The following ACVR1C variants were observed in gnomAD, a reference collection of about 807,000 sequenced individuals.
ACVR1C encodes the protein activin A receptor type 1C.
A neutral mutation model predicts 57.9 loss-of-function variants in ACVR1C; 23 were observed. That is an observed-to-expected ratio of 0.40 (90% CI 0.29 to 0.56). ACVR1C has a LOEUF of 0.56. ACVR1C is among the 20% of genes least tolerant of loss of function. The pLI is 0.50. For synonymous variants in ACVR1C, 214 were observed against 215.3 expected, an observed-to-expected ratio of 0.99 and a Z score of 0.05; for missense variants, 480 against 607.9, an observed-to-expected ratio of 0.79 and a Z score of 2.21.
chr2:157,591,059 C>A (rs7601153), intron 1 of ACVR1C, among the ~76,000 whole-genome samples: 1 of 151,692 alleles, frequency 6.6e-6, no homozygotes, highest in African/African-American at 2.4e-5. Flanking sequence ...ACTACCGAAG[C>A]GGGTAAAGTC....
chr2:157,597,885 A>G (rs1316909200), intron 1 of ACVR1C, among the ~76,000 whole-genome samples: 1 of 152,196 alleles, frequency 6.6e-6, no homozygotes, highest in African/African-American at 2.4e-5. Context: ...AGGATTTGCT[A>G]GACCGGTATT....
At chr2:157,613,261 CTT>C (rs1448432280) in intron 1 of ACVR1C, among the ~76,000 whole-genome samples, 1 of 152,174 alleles carries the variant, frequency 6.6e-6, no homozygotes, top group Admixed American at 6.5e-5. Context: ...GTGATTATCT[CTT>C]TGCAATTTTG....
intron 1 of ACVR1C, among the ~76,000 whole-genome samples, chr2:157,601,653 G>A (rs1008740169): frequency 6.6e-6 from 1 of 152,202 alleles, no homozygotes; most frequent in Non-Finnish European, 1.5e-5. Flanking sequence ...GTTTGTAGCT[G>A]CGTCTGAGTT....
chr2:157,566,134 T>C (rs557693612), intron 2 of ACVR1C, among the ~76,000 whole-genome samples: 1 of 152,312 alleles, frequency 6.6e-6, no homozygotes, highest in Admixed American at 6.5e-5. Flanking sequence ...GTAAATAACT[T>C]AGATAGTAAT....
At position 157,585,630 on chromosome 2, in the gene ACVR1C, C is replaced by T. The variant is rs147839847; in HGVS notation, c.304+1557G>A. On this transcript the variant is annotated intron_variant, in intron 2 of 8. Transcript: ENST00000243349. ...TGCCACAGCTAAAGAGGAGACTCTC[C>T]TTTTTACCCCTAAAATCCTTTGTAT... is the stretch of plus-strand genomic sequence containing the variant. 3.9e-5 allele frequency among the ~76,000 whole-genome samples: 6 copies of T among 152,224 alleles called. No individual in the cohort carries two copies. The East Asian group carries it at 1.2e-3, about 29-fold the overall frequency.
At chr2:157,575,090 T>C (rs1688609772) in intron 2 of ACVR1C, among the ~76,000 whole-genome samples, 2 of 151,982 alleles carry the variant, frequency 1.3e-5, no homozygotes, top group South Asian at 4.1e-4. Context: ...GCCTCCCAAG[T>C]AGCTGGGACT....
chr2:157,566,047 C>G (rs994887916), intron 2 of ACVR1C, among the ~76,000 whole-genome samples: 1 of 152,156 alleles, frequency 6.6e-6, no homozygotes, highest in Admixed American at 6.5e-5. Flanking sequence ...TTCTTAATTT[C>G]AGGACACATA....
At chr2:157,628,421 C>G in intron 1 of ACVR1C, 151 bp downstream of exon 1, 1 of 920,466 alleles carries the variant, frequency 1.1e-6, no homozygotes, top group Non-Finnish European at 1.7e-6. Context: ...TGCACCCTAT[C>G]CCGCGCCCCC....
chr2:157,554,282 A>AG lies in ACVR1C; in HGVS notation c.544+1810dup, dbSNP rs373870443. On this transcript the variant is annotated intron_variant, in intron 3 of 8. Coordinates refer to ENST00000243349, the MANE Select transcript of ACVR1C (RefSeq NM_145259.3). ...AAGAAAGAAAGAAAGGAAGGAAGGAAGAGAGAGAGAGAGAGAAAGAAAGAA... is the reference window on the plus strand; with the variant it reads ...AAGAAAGAAAGAAAGGAAGGAAGGAAGGAGAGAGAGAGAGAGAAAGAAAGAA... 5.1e-3 allele frequency among the ~76,000 whole-genome samples: 636 copies of AG among 123,832 alleles called. 39 individuals are homozygous for AG. The highest frequency in any genetic ancestry group is 0.021 in the African/African-American group (521 of 24,328). 81.2% of individuals were successfully genotyped at this position (123,832 alleles called of 152,430 possible).
chr2:157,537,191 C>A (rs1290018779), intron 8 of ACVR1C, among the ~76,000 whole-genome samples: 1 of 151,716 alleles, frequency 6.6e-6, no homozygotes, highest in African/African-American at 2.4e-5. Context: ...TAAAAAAATA[C>A]ATATAGTAAA....
chr2:157,614,607 A>T (rs1682601073), intron 1 of ACVR1C, among the ~76,000 whole-genome samples: 1 of 152,188 alleles, frequency 6.6e-6, no homozygotes, highest in African/African-American at 2.4e-5. Context: ...TGAAGACTCA[A>T]AATATAATTA....
At chr2:157,618,512 A>T (rs190039874) in intron 1 of ACVR1C, among the ~76,000 whole-genome samples, 94 of 151,898 alleles carry the variant, frequency 6.2e-4, no homozygotes, top group African/African-American at 2.1e-3. Flanking sequence ...AGACAGGATT[A>T]AAAAAAGCAG....
At chr2:157,581,610 A>G (rs771136156) in intron 2 of ACVR1C, among the ~76,000 whole-genome samples, 25 of 152,232 alleles carry the variant, frequency 1.6e-4, no homozygotes, top group Non-Finnish European at 2.8e-4. Flanking sequence ...CAGCTGAAGC[A>G]TGAGACTGTT....
chr2:157,603,078 A>T (rs1396250384), intron 1 of ACVR1C, among the ~76,000 whole-genome samples: 2 of 152,206 alleles, frequency 1.3e-5, no homozygotes, highest in Non-Finnish European at 2.9e-5. Context: ...ACTACACCAT[A>T]GCTACAGCAA....
At chr2:157,536,295 C>T (rs1397180852) in intron 8 of ACVR1C, among the ~76,000 whole-genome samples, 4 of 152,104 alleles carry the variant, frequency 2.6e-5, no homozygotes, top group Non-Finnish European at 5.9e-5. Flanking sequence ...AAGCCACAAA[C>T]CACTAGAATT....
At chr2:157,539,346 G>C (rs1316551097) in intron 7 of ACVR1C, among the ~76,000 whole-genome samples, 1 of 152,136 alleles carries the variant, frequency 6.6e-6, no homozygotes, top group East Asian at 1.9e-4. Flanking sequence ...AATATTTAAA[G>C]AGTCTCAAAG....
At position 157,530,650 on chromosome 2, in the gene ACVR1C, C is replaced by T. The variant is rs893214085; in HGVS notation, c.*3268G>A. 3 of 151,946 alleles carry T rather than the reference C, an allele frequency of 2.0e-5. No homozygotes were observed. Among genetic ancestry groups the T allele is most frequent in the African/African-American group, 2.4e-5 (1 of 41,390 alleles). 9.4% of individuals were successfully genotyped at this position (151,946 alleles called of 1,614,324 possible). A position where few individuals can be genotyped will look rare whatever the true frequency, so the allele number is the denominator to read the frequency against. On this transcript the variant is annotated 3_prime_UTR_variant, in exon 9 of 9. Transcript: ENST00000243349. ...CTGCAACCAGGTTACTATTTTCATACAATCATGGAAATTTAAAATGCAAAG... is the reference window on the plus strand; with the variant it reads ...CTGCAACCAGGTTACTATTTTCATATAATCATGGAAATTTAAAATGCAAAG...
chr2:157,541,183 T>C lies in ACVR1C; in HGVS notation c.1132A>G (p.Met378Val). ...AAGGACTCAAAGATATTCACATTCA[T>C]TGTATCATCAAGCATTTCAGGAGCC... ...YMAPEMLDDT[M>V]NVNIFESFKR... Residue 378 changes from methionine to valine, a missense_variant, in exon 7 of 9, where the codon ATG (methionine) becomes GTG (valine). Transcript: ENST00000243349. 6.2e-7 allele frequency: 1 copy of C among 1,613,880 alleles called. No individual in the cohort carries two copies. Among genetic ancestry groups the C allele is most frequent in the Middle Eastern group, 1.7e-4 (1 of 6,058 alleles).
Position 157,544,512 on chromosome 2 carries a change from C to T in ACVR1C, c.876G>A (p.Met292Ile). 6.2e-7 allele frequency: 1 copy of T among 1,614,080 alleles called. No homozygotes were observed. The highest frequency in any genetic ancestry group is 8.5e-7 in the Non-Finnish European group (1 of 1,179,984). ...TAGCAATTGAGAGCGCCAGCTTGAT[C>T]ATTCCAGCCACGGTCACTATATTTC... is the stretch of plus-strand genomic sequence containing the variant. ...LNRNIVTVAG[M>I]IKLALSIASG... The change falls in exon 5 of 9, where the codon ATG (methionine) becomes ATA (isoleucine). Residue 292 changes from methionine to isoleucine, a missense_variant. Met to Ile is a conservative substitution (Grantham distance 10, BLOSUM62 1). Transcript: ENST00000243349.
Sources: allele counts gnomAD v4.1 joint callset (sites outside exome capture counted in the v4.1 genomes callset), GRCh38; gene constraint gnomAD v4.1.1; transcripts MANE v1.5; gene names NCBI Gene and HGNC (gene_info 2026-07-23, HGNC 2026-07-21).